Variants in DSCAM observed in about 807,000 individuals in gnomAD.
DSCAM encodes the protein DS cell adhesion molecule, also known as cell adhesion molecule DSCAM.
Under a neutral mutation model 217.7 loss-of-function variants are expected in DSCAM, and 47 were observed. That is an observed-to-expected ratio of 0.22 (90% CI 0.17 to 0.28). The LOEUF is 0.28. DSCAM is among the 10% of genes least tolerant of loss of function. The pLI is 1.00. For synonymous variants in DSCAM, 1,056 were observed against 1,015.3 expected, an observed-to-expected ratio of 1.04 and a Z score of -0.76; for missense variants, 2,080 against 2,618.3, an observed-to-expected ratio of 0.79 and a Z score of 4.49.
At chr21:40,318,019 G>C (rs566759475) in intron 8 of DSCAM, among the ~76,000 whole-genome samples, 1 of 151,864 alleles carries the variant, frequency 6.6e-6, no homozygotes, top group Admixed American at 6.6e-5. Context: ...ATTTTTTATG[G>C]CTGTATAGTA....
chr21:40,163,719 T>C (rs1163805457), intron 16 of DSCAM, among the ~76,000 whole-genome samples: 1 of 152,118 alleles, frequency 6.6e-6, no homozygotes, highest in Non-Finnish European at 1.5e-5. Flanking sequence ...ATAAACTATA[T>C]TGAAAATTAC....
At chr21:40,030,771 G>A (rs1205707371) in intron 32 of DSCAM, among the ~76,000 whole-genome samples, 1 of 152,048 alleles carries the variant, frequency 6.6e-6, no homozygotes, top group African/African-American at 2.4e-5. Flanking sequence ...AGCTTCTTAA[G>A]GGCTCTTATA....
At position 40,758,706 on chromosome 21, in the gene DSCAM, G is replaced by A. The variant is rs148729524; in HGVS notation, c.44-49935C>T. Among the ~76,000 whole-genome samples, 112 of 152,008 alleles carry A rather than the reference G, an allele frequency of 7.4e-4. No homozygotes were observed. In the Middle Eastern group the frequency reaches 0.01, roughly 14 times the overall value. ...CTGCTTGCTTAGGCGAGGATGAGGG[G>A]GGCAGCTTGGTTTCTTGGGGAAGCT... On this transcript the variant is annotated intron_variant, in intron 1 of 32. Transcript: ENST00000400454.
chr21:40,486,567 C>T (rs2076030361), intron 3 of DSCAM, among the ~76,000 whole-genome samples: 1 of 151,568 alleles, frequency 6.6e-6, no homozygotes, highest in African/African-American at 2.4e-5. Context: ...ATGAGAAGGC[C>T]CTCAGGGGGT....
chr21:40,822,263 G>A (rs1487867811), intron 1 of DSCAM, among the ~76,000 whole-genome samples: 1 of 141,804 alleles, frequency 7.1e-6, no homozygotes, highest in Non-Finnish European at 1.5e-5. Context: ...GGGTTGCAGC[G>A]AGCCAAGATT....
At chr21:40,658,839 C>T (rs144036661) in intron 3 of DSCAM, among the ~76,000 whole-genome samples, 1 of 152,082 alleles carries the variant, frequency 6.6e-6, no homozygotes, top group Non-Finnish European at 1.5e-5. Flanking sequence ...ATTCAAATTG[C>T]TGAATAAAGA....
rs769057163 is a variant in DSCAM at position 40,375,606 on chromosome 21, C to T, written c.509-6361G>A. ...TTGGTTTTATTATACCTGTATGTGACGTTATCTTGTACATGTGCATGAGAT... is the reference window on the plus strand; with the variant it reads ...TTGGTTTTATTATACCTGTATGTGATGTTATCTTGTACATGTGCATGAGAT... On this transcript the variant is annotated intron_variant, in intron 3 of 32. Coordinates refer to ENST00000400454, the MANE Select transcript of DSCAM (RefSeq NM_001389.5). Among the ~76,000 whole-genome samples, 19 of 152,316 alleles carry T rather than the reference C, an allele frequency of 1.2e-4. No homozygotes were observed. In the East Asian group the frequency reaches 1.7e-3, roughly 14 times the overall value.
intron 10 of DSCAM, among the ~76,000 whole-genome samples, chr21:40,287,496 A>G (rs2073842716): frequency 6.6e-6 from 1 of 152,198 alleles, no homozygotes; most frequent in South Asian, 2.1e-4. Flanking sequence ...TTTCCAGGGC[A>G]TGCCCCTAAA....
intron 3 of DSCAM, among the ~76,000 whole-genome samples, chr21:40,426,641 T>A (rs769041248): frequency 3.9e-4 from 59 of 152,188 alleles, no homozygotes; most frequent in Non-Finnish European, 3.8e-4. Flanking sequence ...TACTATGACA[T>A]GAGAGATGAA....
At chr21:40,203,185 C>A (rs2091088604) in intron 11 of DSCAM, among the ~76,000 whole-genome samples, 1 of 152,240 alleles carries the variant, frequency 6.6e-6, no homozygotes, top group Non-Finnish European at 1.5e-5. Flanking sequence ...GCATGAACAA[C>A]TTGGTACATC....
intron 3 of DSCAM, among the ~76,000 whole-genome samples, chr21:40,610,691 G>A (rs1368375781): frequency 6.6e-6 from 1 of 152,172 alleles, no homozygotes; most frequent in Non-Finnish European, 1.5e-5. Flanking sequence ...CTCAGGGCCA[G>A]GCATCAGGGT....
At chr21:40,813,978 G>A (rs146748322) in intron 1 of DSCAM, among the ~76,000 whole-genome samples, 142 of 152,234 alleles carry the variant, frequency 9.3e-4, no homozygotes, top group African/African-American at 3.3e-3. Flanking sequence ...TTAATTTCCA[G>A]CTTTATGAGG....
At chr21:40,330,325 AT>A (rs1393918902) in intron 8 of DSCAM, among the ~76,000 whole-genome samples, 2 of 147,062 alleles carry the variant, frequency 1.4e-5, no homozygotes, top group Non-Finnish European at 3.0e-5. Flanking sequence ...TTATATATTT[AT>A]TATATTATAT....
In DSCAM at chr21:40,215,012, G is replaced by A. The variant is rs1474552453; in HGVS notation, c.2357-25774C>T. On this transcript the variant is annotated intron_variant, in intron 11 of 32. Transcript: ENST00000400454. Reference sequence around the variant, plus strand: ...AGGCGGGTGGATCACGAGGTCAGGAGATCGAGACCATCCTGGCTAACAAGG... The same window carrying A: ...AGGCGGGTGGATCACGAGGTCAGGAAATCGAGACCATCCTGGCTAACAAGG... 1.2e-4 allele frequency among the ~76,000 whole-genome samples: 4 copies of A among 32,614 alleles called. 1 individual carries two copies. Among genetic ancestry groups the A allele is most frequent in the African/African-American group, 3.3e-4 (4 of 12,134 alleles). 21.4% of individuals were successfully genotyped at this position (32,614 alleles called of 152,430 possible).
rs535566352 is a variant in DSCAM, at chr21:40,197,570, T to C, written c.2357-8332A>G. Among the ~76,000 whole-genome samples the C allele has an allele frequency of 3.7e-4, 56 of 152,338 alleles. No individual in the cohort carries two copies. In the South Asian group the frequency reaches 6.8e-3, roughly 19 times the overall value. ...AAAATCAATATTACCATAAAAGTAA[T>C]ACAGTAAAATGATCTTCATTAATCC... On this transcript the variant is annotated intron_variant, in intron 11 of 32. Transcript: ENST00000400454.
intron 3 of DSCAM, among the ~76,000 whole-genome samples, chr21:40,473,535 T>C (rs1282249341): frequency 6.6e-6 from 1 of 152,200 alleles, no homozygotes; most frequent in South Asian, 2.1e-4. Flanking sequence ...CTGAGGGCTC[T>C]GAAATTGGGC....
intron 3 of DSCAM, among the ~76,000 whole-genome samples, chr21:40,447,217 C>A (rs144167251): frequency 2.6e-5 from 4 of 152,308 alleles, no homozygotes; most frequent in Non-Finnish European, 5.9e-5. Flanking sequence ...TCCTTACAGT[C>A]TCATACCCAA....
chr21:40,095,833 G>T (rs969638515), intron 20 of DSCAM, among the ~76,000 whole-genome samples: 2 of 151,962 alleles, frequency 1.3e-5, no homozygotes, highest in Non-Finnish European at 1.5e-5. Context: ...GTATTATAGC[G>T]GTATTATAAC....
Position 40,845,922 on chromosome 21 carries a change from A to G in DSCAM, c.43+697T>C, listed in dbSNP as rs1430045663. ...ATACCCAGGAAGAAATCATTTCAAA[A>G]TATAATATTGGCTGGGCATGAGGAA... On this transcript the variant is annotated intron_variant, in intron 1 of 32. Coordinates refer to ENST00000400454, the MANE Select transcript of DSCAM (RefSeq NM_001389.5). 3.3e-5 allele frequency among the ~76,000 whole-genome samples: 5 copies of G among 152,162 alleles called. No individual in the cohort carries two copies. The South Asian group carries it at 8.3e-4, about 25-fold the overall frequency.
Sources: gnomAD v4.1 joint callset for allele counts (sites outside exome capture counted in the v4.1 genomes callset) on GRCh38, gnomAD v4.1.1 for gene constraint, MANE v1.5 for transcripts, NCBI Gene and HGNC (gene_info 2026-07-23, HGNC 2026-07-21) for gene names.